The following CADM1 variants were observed in gnomAD, a reference collection of about 807,000 sequenced individuals.
CADM1 encodes the protein TSLC-1.
A neutral mutation model predicts 53.1 loss-of-function variants in CADM1; 15 were observed. The ratio of observed to expected loss-of-function variants is 0.28; its 90% CI spans 0.19 to 0.44. The LOEUF (loss-of-function observed/expected upper bound fraction) is 0.44, where lower values mean the gene tolerates loss of function less well. CADM1 is among the 20% of genes least tolerant of loss of function. CADM1 has a pLI of 1.00. For missense variants in CADM1, 434 were observed against 611.3 expected, an observed-to-expected ratio of 0.71 and a Z score of 3.06; for synonymous variants, 281 against 243.0, an observed-to-expected ratio of 1.16 and a Z score of -1.45.
chr11:115,397,139 T>C (rs2135200477), intron 1 of CADM1: 1 of 152,302 alleles, frequency 6.6e-6, no homozygotes, highest in African/African-American at 2.4e-5. Context: ...TCTGAGTGTG[T>C]TATTGCTTTA....
intron 1 of CADM1, among the ~76,000 whole-genome samples, chr11:115,467,938 T>C (rs995731723): frequency 6.6e-6 from 1 of 152,216 alleles, no homozygotes; most frequent in Non-Finnish European, 1.5e-5. Context: ...TTCTTAACAT[T>C]AATTATTAAG....
intron 1 of CADM1, among the ~76,000 whole-genome samples, chr11:115,473,287 C>T (rs1250211120): frequency 6.6e-6 from 1 of 152,046 alleles, no homozygotes; most frequent in Admixed American, 6.6e-5. Context: ...AGCAAGGCCC[C>T]CTATCTACAA....
chr11:115,374,658 A>C (rs1946393777), intron 1 of CADM1, among the ~76,000 whole-genome samples: 1 of 152,186 alleles, frequency 6.6e-6, no homozygotes, highest in Non-Finnish European at 1.5e-5. Context: ...CCCATACCCC[A>C]AAAAAGAAAA....
intron 1 of CADM1, among the ~76,000 whole-genome samples, chr11:115,348,866 C>T (rs572876816): frequency 3.3e-5 from 5 of 152,174 alleles, no homozygotes; most frequent in South Asian, 2.1e-4. Flanking sequence ...TTAACTACAT[C>T]GGGAAGGGTC....
chr11:115,293,893 G>A (rs985341622), intron 1 of CADM1, among the ~76,000 whole-genome samples: 1 of 152,162 alleles, frequency 6.6e-6, no homozygotes, highest in Non-Finnish European at 1.5e-5. Context: ...CAGACTCTAT[G>A]ATTTAGAATC....
chr11:115,401,252 C>T (rs915369869), intron 1 of CADM1, among the ~76,000 whole-genome samples: 1 of 152,186 alleles, frequency 6.6e-6, no homozygotes, highest in Admixed American at 6.5e-5. Flanking sequence ...GAAAAAGCAA[C>T]CATACTGCAT....
chr11:115,373,616 AAGAAG>A (rs1946367185), intron 1 of CADM1, among the ~76,000 whole-genome samples: 1 of 149,966 alleles, frequency 6.7e-6, no homozygotes, highest in Non-Finnish European at 1.5e-5. Flanking sequence ...AAAGAAGAAG[AAGAAG>A]AAGAAAGAAT....
At chr11:115,298,536 CTTGTAAGAGACTTTAG>C (rs1420041006) in intron 1 of CADM1, among the ~76,000 whole-genome samples, 6 of 152,172 alleles carry the variant, frequency 3.9e-5, no homozygotes, top group Admixed American at 1.3e-4. Flanking sequence ...ACCACTTCAT[CTTGTAAGAGACTTTAG>C]CTCCGTATGT....
intron 1 of CADM1, among the ~76,000 whole-genome samples, chr11:115,313,410 G>A (rs943327489): frequency 2.2e-4 from 34 of 152,138 alleles, no homozygotes; most frequent in Non-Finnish European, 2.9e-5. Flanking sequence ...ACCAGAAGAA[G>A]GTAAGCTGAA....
Position 115,175,944 on chromosome 11 carries a change from C to A in CADM1, c.*530G>T. 9.8e-7 allele frequency: 1 copy of A among 1,019,186 alleles called. No homozygotes were observed. 63.1% of individuals were successfully genotyped at this position (1,019,186 alleles called of 1,614,324 possible). A position where few individuals can be genotyped will look rare whatever the true frequency, so the allele number is the denominator to read the frequency against. On this transcript the variant is annotated 3_prime_UTR_variant, in exon 12 of 12. Coordinates refer to ENST00000331581, the MANE Select transcript of CADM1 (RefSeq NM_001301043.2). ...TAAATTCTGAACTATGAAATCTAAG[C>A]TGTGCTGGTTCTCCTTTTATGAAAC...
chr11:115,286,831 G>C (rs757992632), intron 1 of CADM1, among the ~76,000 whole-genome samples: 12 of 152,128 alleles, frequency 7.9e-5, no homozygotes, highest in Non-Finnish European at 1.8e-4. Context: ...GGAGGTTGCC[G>C]CACCTCCTGT....
intron 1 of CADM1, among the ~76,000 whole-genome samples, chr11:115,421,576 C>T (rs1320194951): frequency 6.6e-6 from 1 of 152,172 alleles, no homozygotes; most frequent in Admixed American, 6.6e-5. Context: ...ACACTGCATA[C>T]AAAATGCAAA....
intron 1 of CADM1, among the ~76,000 whole-genome samples, chr11:115,481,851 C>G (rs1949264043): frequency 6.6e-6 from 1 of 152,162 alleles, no homozygotes; most frequent in Non-Finnish European, 1.5e-5. Context: ...TTTCAGCTGG[C>G]CTTCCACAGC....
intron 1 of CADM1, among the ~76,000 whole-genome samples, chr11:115,367,824 A>C (rs1591752701): frequency 6.6e-6 from 1 of 152,148 alleles, no homozygotes; most frequent in East Asian, 1.9e-4. Context: ...ATCCAAATTC[A>C]AATTTAAGTG....
At chr11:115,426,844 G>A (rs894361670) in intron 1 of CADM1, among the ~76,000 whole-genome samples, 1 of 152,156 alleles carries the variant, frequency 6.6e-6, no homozygotes, top group Non-Finnish European at 1.5e-5. Flanking sequence ...GATGAAGCAG[G>A]AAGAGGCATG....
At chr11:115,233,332 T>A (rs1941892193) in intron 3 of CADM1, among the ~76,000 whole-genome samples, 1 of 152,148 alleles carries the variant, frequency 6.6e-6, no homozygotes, top group Non-Finnish European at 1.5e-5. Flanking sequence ...TAATTTAACA[T>A]CTAATTTAGA....
At chr11:115,316,740 T>C (rs954221295) in intron 1 of CADM1, among the ~76,000 whole-genome samples, 2 of 152,258 alleles carry the variant, frequency 1.3e-5, no homozygotes, top group Non-Finnish European at 2.9e-5. Context: ...CTGAGAAGAC[T>C]TGGACCAGAG....
intron 1 of CADM1, among the ~76,000 whole-genome samples, chr11:115,426,942 A>G (rs1322757917): frequency 6.6e-6 from 1 of 152,144 alleles, no homozygotes; most frequent in Non-Finnish European, 1.5e-5. Flanking sequence ...CTAAAACTCC[A>G]TGAAAGGTGC....
intron 1 of CADM1, among the ~76,000 whole-genome samples, chr11:115,391,289 G>C (rs1291217726): frequency 6.6e-6 from 1 of 152,056 alleles, no homozygotes; most frequent in East Asian, 1.9e-4. Context: ...ACACTCTCAG[G>C]GCTGTCTGGT....
Sources: allele counts gnomAD v4.1 joint callset (sites outside exome capture counted in the v4.1 genomes callset), GRCh38; gene constraint gnomAD v4.1.1; transcripts MANE v1.5; gene names NCBI Gene and HGNC (gene_info 2026-07-23, HGNC 2026-07-21).